Variants in IYD observed in about 807,000 individuals in gnomAD.
The protein encoded by IYD is iodotyrosine deiodinase.
In IYD, 25 loss-of-function variants were observed where a neutral mutation model predicts 28.4. The ratio of observed to expected loss-of-function variants is 0.88; its 90% confidence interval spans 0.64 to 1.23. The LOEUF (loss-of-function observed/expected upper bound fraction) is 1.23. Among genes scored for constraint, IYD ranks in the 50% most tolerant of loss-of-function variants. The pLI, the probability that IYD is intolerant of heterozygous loss-of-function variation, is 0.00. For synonymous variants in IYD, 140 were observed against 130.8 expected (o/e 1.07, Z -0.48); for missense variants, 352 against 357.9 (o/e 0.98, Z 0.13).
Position 150,399,640 on chromosome 6 carries a change from A to G in IYD, c.*1403A>G, listed in dbSNP as rs1226098439. On this transcript the variant is annotated 3_prime_UTR_variant, in exon 5 of 5. Transcript: ENST00000344419. ...AAAACTCTCTCTATAAAAAATTTCC[A>G]TAGAGTATGTGGCTGATAAACAACA... 6.6e-6 allele frequency: 1 copy of G among 152,032 alleles called. No homozygotes were observed. Among genetic ancestry groups the G allele is most frequent in the South Asian group, 2.1e-4 (1 of 4,820 alleles). 9.4% of individuals were successfully genotyped at this position (152,032 alleles called of 1,614,324 possible). A position where few individuals can be genotyped will look rare whatever the true frequency, so the allele number is the denominator to read the frequency against.
At chr6:150,384,740 C>G (rs940554999) in intron 1 of IYD, 1 of 152,068 alleles carries the variant, frequency 6.6e-6, no homozygotes, top group Non-Finnish European at 1.5e-5. Flanking sequence ...ATATAACGAA[C>G]AATTTTGAGA....
chr6:150,394,924 C>T (rs1778256112), intron 4 of IYD, among the ~76,000 whole-genome samples: 1 of 152,188 alleles, frequency 6.6e-6, no homozygotes, highest in Non-Finnish European at 1.5e-5. Flanking sequence ...GACCCCCGGG[C>T]TTAAGTGATC....
Position 150,392,355 on chromosome 6 carries a change from G to T in IYD, c.381G>T (p.Pro127=). The T allele has an allele frequency of 6.2e-7, 1 of 1,613,360 alleles. No homozygotes were observed. Among genetic ancestry groups the T allele is most frequent in the South Asian group, 1.1e-5 (1 of 91,032 alleles). ...TGGAATGGGTGACAGGAACAGCCCC[G>T]AGTGGGGCTCACACAGAGCCCTGGA... The part of the protein sequence containing the change: ...DNVIRTAGTA[P]SGAHTEPWTF... The change falls in exon 3 of 5, where the codon CCG becomes CCT. Residue 127 remains proline, a synonymous_variant. Coordinates refer to ENST00000344419, the MANE Select transcript of IYD (RefSeq NM_203395.3).
chr6:150,369,197 C>T lies in IYD; in HGVS notation c.166C>T (p.Gln56Ter). The T allele has an allele frequency of 6.2e-7, 1 of 1,612,714 alleles. No individual in the cohort carries two copies. Among genetic ancestry groups the T allele is most frequent in the South Asian group, 1.1e-5 (1 of 91,008 alleles). Residue 56 changes from glutamine to a stop codon, truncating the protein, a stop_gained, in exon 1 of 5, where the codon CAA (glutamine) becomes TAA (stop). Transcript: ENST00000344419. LOFTEE classifies it high-confidence loss of function. ...CTTAAAAGACAGCAGTGACCTGCAC[C>T]AAGCAGAAGAAGGTAAAGACACCAG... Reference protein sequence around the residue: ...EDLKDSSDLHQAEEDADEWQE... With the variant: ...EDLKDSSDLH
In IYD at chr6:150,403,256, C is replaced by G. The variant is rs1358018179; in HGVS notation, c.*5019C>G. 1 of 152,216 alleles carries G rather than the reference C, an allele frequency of 6.6e-6. No individual in the cohort carries two copies. The highest frequency in any genetic ancestry group is 1.9e-4 in the East Asian group (1 of 5,202). The allele number at this position is 152,216 out of a possible 1,614,324, so 9.4% of individuals were successfully genotyped here. A position where few individuals can be genotyped will look rare whatever the true frequency, so the allele number is the denominator to read the frequency against. On this transcript the variant is annotated 3_prime_UTR_variant, in exon 5 of 5. Transcript: ENST00000344419. ...GCATGAGAAATATAATTTTATTTTG[C>G]TAGGTATCAGCAGAGTGCCCTCTTA...
At chr6:150,395,814 C>T (rs1461693237) in intron 4 of IYD, 1 of 614,292 alleles carries the variant, frequency 1.6e-6, no homozygotes, top group East Asian at 2.7e-5. Context: ...TGGAGAGGGG[C>T]AGGCGGGGAA....
intron 1 of IYD, chr6:150,370,372 AGCATGCATGAGTTTGTGTGT>A (rs1443948714): frequency 4.9e-6 from 2 of 407,338 alleles, no homozygotes; most frequent in Non-Finnish European, 3.3e-6. Context: ...AGTGTGTGTG[AGCATGCATGAGTTTGTGTGT>A]GCATGCATGA....
rs913572138 is a variant in IYD, at chr6:150,405,375, G to A, written c.*7138G>A. 1.3e-5 allele frequency: 2 copies of A among 152,086 alleles called. No homozygotes were observed. The highest frequency in any genetic ancestry group is 4.8e-5 in the African/African-American group (2 of 41,372). 9.4% of individuals were successfully genotyped at this position (152,086 alleles called of 1,614,324 possible). On this transcript the variant is annotated 3_prime_UTR_variant, in exon 5 of 5. Coordinates refer to ENST00000344419, the MANE Select transcript of IYD (RefSeq NM_203395.3). ...TTTGAGTCCTTTCCACCCCTTACTTGGCCCCTCAATTCATACTTTTTGGGA... is the reference window on the plus strand; with the variant it reads ...TTTGAGTCCTTTCCACCCCTTACTTAGCCCCTCAATTCATACTTTTTGGGA...
At chr6:150,373,912 C>A (rs1278122101) in intron 1 of IYD, among the ~76,000 whole-genome samples, 1 of 152,158 alleles carries the variant, frequency 6.6e-6, no homozygotes, top group African/African-American at 2.4e-5. Flanking sequence ...AGACCTTAAG[C>A]TTTTAGAATA....
chr6:150,397,958 G>A, intron 4 of IYD, 97 bp from the exon 5 acceptor site: 1 of 1,191,522 alleles, frequency 8.4e-7, no homozygotes, highest in South Asian at 1.2e-5. Context: ...ATGATAGGAA[G>A]AGCAGGTATA....
At position 150,398,343 on chromosome 6, in the gene IYD, G is replaced by T. The variant is rs956017670; in HGVS notation, c.*106G>T. The T allele has an allele frequency of 1.1e-4, 121 of 1,104,778 alleles. No homozygotes were observed. Among genetic ancestry groups the T allele is most frequent in the Middle Eastern group, 5.8e-4 (2 of 3,422 alleles). The allele number at this position is 1,104,778 out of a possible 1,614,324, so 68.4% of individuals were successfully genotyped here. A position where few individuals can be genotyped will look rare whatever the true frequency, so the allele number is the denominator to read the frequency against. On this transcript the variant is annotated 3_prime_UTR_variant, in exon 5 of 5. Transcript: ENST00000344419. ...TGGCTGCTCTTTCTCCAGGTGTCAG[G>T]TCCCCTCATTGCTCTTCTCAGGTGG... is the stretch of plus-strand genomic sequence containing the variant.
chr6:150,371,301 T>C (rs971707177), intron 1 of IYD, among the ~76,000 whole-genome samples: 3 of 152,152 alleles, frequency 2.0e-5, no homozygotes, highest in African/African-American at 4.8e-5. Context: ...GATAAGGAAA[T>C]TGAGGCCCCA....
chr6:150,378,410 A>G (rs946048382), intron 1 of IYD, among the ~76,000 whole-genome samples: 4 of 151,700 alleles, frequency 2.6e-5, no homozygotes, highest in East Asian at 1.9e-4. Flanking sequence ...ATTCCCACCT[A>G]TAAGTGAGAA....
At chr6:150,372,573 GCGGT>G (rs1777299291) in intron 1 of IYD, among the ~76,000 whole-genome samples, 1 of 29,484 alleles carries the variant, frequency 3.4e-5, no homozygotes, top group Non-Finnish European at 5.2e-5. Context: ...GTGTGTGTGG[GCGGT>G]GTGGGGGGTG....
At chr6:150,395,424 G>T in intron 4 of IYD, 2 of 1,537,250 alleles carry the variant, frequency 1.3e-6, no homozygotes, top group South Asian at 2.4e-5. Flanking sequence ...GAAGGAGCTG[G>T]CATTGATTTC....
Position 150,404,634 on chromosome 6 carries a change from T to C in IYD, c.*6397T>C, listed in dbSNP as rs547179841. Reference sequence around the variant, plus strand: ...AAACAAAGCCTATAACTAAGACTGATGCTTTAAGGGAGTTTGGCTTATTCA... The same window carrying C: ...AAACAAAGCCTATAACTAAGACTGACGCTTTAAGGGAGTTTGGCTTATTCA... On this transcript the variant is annotated 3_prime_UTR_variant, in exon 5 of 5. Transcript: ENST00000344419. The C allele has an allele frequency of 2.6e-5, 4 of 152,356 alleles. No homozygotes were observed. Among genetic ancestry groups the C allele is most frequent in the Admixed American group, 6.5e-5 (1 of 15,306 alleles). The allele number at this position is 152,356 out of a possible 1,614,324, so 9.4% of individuals were successfully genotyped here. A position where few individuals can be genotyped will look rare whatever the true frequency, so the allele number is the denominator to read the frequency against.
intron 4 of IYD, among the ~76,000 whole-genome samples, chr6:150,397,436 G>A (rs1778360861): frequency 6.6e-6 from 1 of 151,956 alleles, no homozygotes. Flanking sequence ...CAGGCATGGT[G>A]GTGCATGCCT....
chr6:150,386,531 T>C (rs1777869906), intron 1 of IYD, among the ~76,000 whole-genome samples: 1 of 152,166 alleles, frequency 6.6e-6, no homozygotes, highest in African/African-American at 2.4e-5. Context: ...TGTAAGCCTA[T>C]TTGGTTATCT....
rs974466183 is a variant in IYD, at chr6:150,398,797, T to A, written c.*560T>A. On this transcript the variant is annotated 3_prime_UTR_variant, in exon 5 of 5. Coordinates refer to ENST00000344419, the MANE Select transcript of IYD (RefSeq NM_203395.3). The stretch of plus-strand genomic sequence containing the variant: ...TGGCTCATGCCTGTAATCCCAGCAC[T>A]TTGGGAGGCCGAGGTGGGCAGATTG... 6 of 153,224 alleles carry A rather than the reference T, an allele frequency of 3.9e-5. No individual in the cohort carries two copies. Among genetic ancestry groups the A allele is most frequent in the African/African-American group, 1.4e-4 (6 of 41,404 alleles). The allele number at this position is 153,224 out of a possible 1,614,324, so 9.5% of individuals were successfully genotyped here.
Sources: allele counts gnomAD v4.1 joint callset (sites outside exome capture counted in the v4.1 genomes callset), GRCh38; gene constraint gnomAD v4.1.1; transcripts MANE v1.5; gene names NCBI Gene and HGNC (gene_info 2026-07-23, HGNC 2026-07-21).